The following EHMT1 variants were observed in gnomAD, a reference collection of about 807,000 sequenced individuals.
EHMT1 encodes euchromatic histone lysine methyltransferase 1.
A neutral mutation model predicts 147.2 loss-of-function variants in EHMT1; 15 were observed. The ratio of observed to expected loss-of-function variants is 0.10; its 90% CI spans 0.07 to 0.16. The LOEUF (loss-of-function observed/expected upper bound fraction) is 0.16, where lower values mean the gene tolerates loss of function less well. EHMT1 is among the 10% of genes least tolerant of loss of function. EHMT1 has a pLI of 1.00. For missense variants in EHMT1, 1,587 were observed against 1,772.4 expected (o/e 0.90, Z 1.88); for synonymous variants, 795 against 709.6 (o/e 1.12, Z -1.91).
At chr9:137,716,086 TG>T (rs1945208689) in intron 2 of EHMT1, among the ~76,000 whole-genome samples, 1 of 63,100 alleles carries the variant, frequency 1.6e-5, no homozygotes, top group African/African-American at 7.3e-5. Context: ...GGTGTCGTGG[TG>T]GGGGAGGAAG....
At chr9:137,690,920 A>G (rs1033303936) in intron 1 of EHMT1, among the ~76,000 whole-genome samples, 2 of 152,380 alleles carry the variant, frequency 1.3e-5, no homozygotes, top group Non-Finnish European at 2.9e-5. Context: ...TCATTTAAAC[A>G]TGTTTTAAAA....
intron 1 of EHMT1, among the ~76,000 whole-genome samples, chr9:137,640,240 C>G (rs547463491): frequency 2.0e-4 from 31 of 151,830 alleles, no homozygotes; most frequent in Admixed American, 1.6e-3. Context: ...TGGCCTGTAA[C>G]CTTATTTTTT....
At chr9:137,647,380 C>T (rs944280530) in intron 1 of EHMT1, among the ~76,000 whole-genome samples, 1 of 152,198 alleles carries the variant, frequency 6.6e-6, no homozygotes. Flanking sequence ...CGCCCCGCAG[C>T]GCTAGACACC....
intron 23 of EHMT1, 157 bp from the exon 24 acceptor site, chr9:137,817,282 T>A (rs1280733861): frequency 5.0e-6 from 4 of 801,192 alleles, no homozygotes; most frequent in Non-Finnish European, 8.3e-6. Context: ...GAGTGCGAGA[T>A]GCCGTGTCTG....
intron 1 of EHMT1, among the ~76,000 whole-genome samples, chr9:137,647,891 C>T (rs952682906): frequency 6.6e-6 from 1 of 152,174 alleles, no homozygotes; most frequent in Non-Finnish European, 1.5e-5. Flanking sequence ...GCCACCGCGC[C>T]CGGCCGCATC....
At chr9:137,750,135 C>T (rs1037038108) in intron 6 of EHMT1, among the ~76,000 whole-genome samples, 1 of 152,204 alleles carries the variant, frequency 6.6e-6, no homozygotes, top group Admixed American at 6.5e-5. Context: ...CCTAAGCTGA[C>T]CTTACATGTG....
intron 16 of EHMT1, among the ~76,000 whole-genome samples, chr9:137,798,381 G>A (rs747564251): frequency 7.9e-5 from 12 of 151,786 alleles, no homozygotes; most frequent in African/African-American, 1.9e-4. Context: ...CAGCCTGGGC[G>A]ATACAGCAAG....
At chr9:137,633,667 G>A (rs1440745392) in intron 1 of EHMT1, among the ~76,000 whole-genome samples, 2 of 151,806 alleles carry the variant, frequency 1.3e-5, no homozygotes, top group Non-Finnish European at 2.9e-5. Flanking sequence ...AGATCATTCC[G>A]TCATTACCAC....
chr9:137,622,023 G>T (rs1318426856), intron 1 of EHMT1, among the ~76,000 whole-genome samples: 1 of 148,750 alleles, frequency 6.7e-6, no homozygotes, highest in East Asian at 2.0e-4. Flanking sequence ...GTGCAGGTTT[G>T]TTACATATGT....
intron 1 of EHMT1, among the ~76,000 whole-genome samples, chr9:137,674,583 G>T (rs568804522): frequency 6.6e-6 from 1 of 152,190 alleles, no homozygotes; most frequent in East Asian, 1.9e-4. Flanking sequence ...GTCTGCCTAC[G>T]ATTGCACGAC....
intron 16 of EHMT1, among the ~76,000 whole-genome samples, chr9:137,791,873 AG>A (rs1034257583): frequency 4.5e-4 from 68 of 152,252 alleles, no homozygotes; most frequent in Admixed American, 7.8e-4. Flanking sequence ...CTGAGATTAC[AG>A]GCACGCACCA....
In EHMT1 at chr9:137,717,059, C is replaced by T. The variant is rs767855452; in HGVS notation, c.519C>T (p.Ala173=). 57 of 1,607,240 alleles carry T rather than the reference C, an allele frequency of 3.5e-5. No homozygotes were observed. Among genetic ancestry groups the T allele is most frequent in the South Asian group, 4.4e-5 (4 of 90,918 alleles). Residue 173 remains alanine, a synonymous_variant, in exon 3 of 27, where the codon GCC becomes GCT. Transcript: ENST00000460843. ...RTPSAFPQTP[A]APPATLGEGS... is the part of the protein sequence containing the mutation. ...CAAGCGCTTTTCCCCAGACGCCAGC[C>T]GCCCCACCAGCCACCCTTGGGGAGG...
chr9:137,652,724 A>T (rs1439748747), intron 1 of EHMT1, among the ~76,000 whole-genome samples: 6 of 146,152 alleles, frequency 4.1e-5, no homozygotes, highest in Non-Finnish European at 9.0e-5. Context: ...GTAAGAAGTT[A>T]AACTTTTTTT....
intron 1 of EHMT1, among the ~76,000 whole-genome samples, chr9:137,643,338 T>TC (rs34163101): frequency 3.6e-5 from 3 of 83,030 alleles, no homozygotes; most frequent in African/African-American, 1.9e-4. Context: ...TGTATAAAGG[T>TC]TTTTTTTTTT....
chr9:137,763,620 C>T (rs1588586009), intron 10 of EHMT1: 2 of 154,874 alleles, frequency 1.3e-5, no homozygotes, highest in Admixed American at 1.3e-4. Context: ...GATCCATCTT[C>T]AGCTCGATTA....
At chr9:137,698,972 A>G (rs936043315) in intron 1 of EHMT1, among the ~76,000 whole-genome samples, 1 of 149,950 alleles carries the variant, frequency 6.7e-6, no homozygotes, top group Non-Finnish European at 1.5e-5. Context: ...GTAGAAATTG[A>G]TGGGGCAGGA....
At chr9:137,635,628 G>C (rs1166702379) in intron 1 of EHMT1, among the ~76,000 whole-genome samples, 1 of 151,380 alleles carries the variant, frequency 6.6e-6, no homozygotes, top group Admixed American at 6.6e-5. Context: ...AGACCATCCT[G>C]GCTAACATGG....
chr9:137,799,296 G>A (rs1953246193), intron 17 of EHMT1, among the ~76,000 whole-genome samples: 1 of 152,138 alleles, frequency 6.6e-6, no homozygotes, highest in Non-Finnish European at 1.5e-5. Context: ...ACTGTGTCTG[G>A]CTGGAGGCTC....
At position 137,775,959 on chromosome 9, in the gene EHMT1, G is replaced by A. The variant is rs148426927; in HGVS notation, c.1792-659G>A. Among the ~76,000 whole-genome samples, 461 of 152,208 alleles carry A rather than the reference G, an allele frequency of 3.0e-3. 3 individuals are homozygous for A. The highest frequency in any genetic ancestry group is 0.01 in the African/African-American group (432 of 41,532). ...TGTAAGCGTCTGTCTGTGTGCGCCT[G>A]TGTGTGTGAGTGTTTGAGTGTGAGC... On this transcript the variant is annotated intron_variant, in intron 11 of 26. Coordinates refer to ENST00000460843, the MANE Select transcript of EHMT1 (RefSeq NM_024757.5). The surrounding 1 kb of genome is among the most constrained non-coding windows in gnomAD (Gnocchi z 6.1).
Sources: allele counts gnomAD v4.1 joint callset (sites outside exome capture counted in the v4.1 genomes callset), GRCh38; gene constraint gnomAD v4.1.1; non-coding constraint Gnocchi (gnomAD v3.1); transcripts MANE v1.5; gene names NCBI Gene and HGNC (gene_info 2026-07-23, HGNC 2026-07-21).